The following CCDC13 variants were observed in gnomAD, a reference collection of about 807,000 sequenced individuals.
CCDC13 encodes coiled-coil domain-containing protein 13.
CCDC13 carries 70 observed loss-of-function variants against 87.3 expected under a neutral mutation model. The observed-to-expected ratio is 0.80, with a 90% CI of 0.66 to 0.98. The LOEUF (loss-of-function observed/expected upper bound fraction) is 0.98, where lower values mean the gene tolerates loss of function less well. Among genes scored for constraint, CCDC13 ranks in the 50% least tolerant of loss-of-function variants. The pLI is 0.00. For missense variants in CCDC13, 842 were observed against 892.0 expected (o/e 0.94, Z 0.71); for synonymous variants, 317 against 360.3 (o/e 0.88, Z 1.36).
chr3:42,724,175 A>G (rs532863482), intron 13 of CCDC13, among the ~76,000 whole-genome samples: 1 of 152,352 alleles, frequency 6.6e-6, no homozygotes, highest in South Asian at 2.1e-4. Flanking sequence ...AAAATAGCAA[A>G]CCACATTGTG....
At position 42,712,779 on chromosome 3, in the gene CCDC13, T is replaced by C. The variant is rs1698342632; in HGVS notation, c.1873+383A>G. Among the ~76,000 whole-genome samples, 3 of 152,282 alleles carry C rather than the reference T, an allele frequency of 2.0e-5. No individual in the cohort carries two copies. The South Asian group carries it at 6.2e-4, about 32-fold the overall frequency. ...ACCATTGCAGGAGGCACAAAGGGAC[T>C]CCTCCCCTGCTTCAGCCACTGTTGC... On this transcript the variant is annotated intron_variant, in intron 14 of 15. Transcript: ENST00000310232.
rs1420180027 is a variant in CCDC13, at chr3:42,705,767, C to A, written c.*3213G>T. ...ACTGGTACTAACCTGGACAGACCAG[C>A]TGCCTGGCTGTGCACCTGGCCCACC... is the stretch of plus-strand genomic sequence containing the variant. On this transcript the variant is annotated 3_prime_UTR_variant, in exon 16 of 16. Coordinates refer to ENST00000310232, the MANE Select transcript of CCDC13 (RefSeq NM_144719.4). Among the ~76,000 whole-genome samples the A allele has an allele frequency of 6.6e-6, 1 of 152,202 alleles. No individual in the cohort carries two copies. Among genetic ancestry groups the A allele is most frequent in the Non-Finnish European group, 1.5e-5 (1 of 68,030 alleles).
chr3:42,756,691 A>G (rs1051147626), intron 3 of CCDC13, among the ~76,000 whole-genome samples: 3 of 151,860 alleles, frequency 2.0e-5, no homozygotes, highest in African/African-American at 7.3e-5. Flanking sequence ...TGTTCACAAC[A>G]TAACATGTGA....
At chr3:42,720,689 C>T (rs1698539979) in intron 13 of CCDC13, among the ~76,000 whole-genome samples, 2 of 152,082 alleles carry the variant, frequency 1.3e-5, no homozygotes, top group Admixed American at 1.3e-4. Flanking sequence ...TAGAATAAAA[C>T]TAAAGGTTTA....
chr3:42,711,627 C>A lies in CCDC13; in HGVS notation c.1873+1535G>T, dbSNP rs114452425. 5.2e-3 allele frequency among the ~76,000 whole-genome samples: 795 copies of A among 152,296 alleles called. 9 individuals are homozygous for A. Among genetic ancestry groups the A allele is most frequent in the African/African-American group, 0.018 (749 of 41,558 alleles). Reference sequence around the variant, plus strand: ...CACTTGTCTTTCCCTCAGGGATCGGCAGGCCACATCCCCTCCCAGTTCCTC... The same window carrying A: ...CACTTGTCTTTCCCTCAGGGATCGGAAGGCCACATCCCCTCCCAGTTCCTC... On this transcript the variant is annotated intron_variant, in intron 14 of 15. Coordinates refer to ENST00000310232, the MANE Select transcript of CCDC13 (RefSeq NM_144719.4).
In CCDC13 at chr3:42,710,787, C is replaced by T. The variant is rs1323940267; in HGVS notation, c.1874-989G>A. Among the ~76,000 whole-genome samples, 3 of 152,180 alleles carry T rather than the reference C, an allele frequency of 2.0e-5. No homozygotes were observed. In the East Asian group the frequency reaches 5.8e-4, roughly 29 times the overall value. ...GGCTCTGCCCTCTACAGGGGCTGGA[C>T]TGAGTGTTCTTCAGGGCCTTTCCTG... On this transcript the variant is annotated intron_variant, in intron 14 of 15. Transcript: ENST00000310232.
chr3:42,705,620 C>G (rs1698159969), downstream of CCDC13, among the ~76,000 whole-genome samples: 1 of 152,214 alleles, frequency 6.6e-6, no homozygotes, highest in Non-Finnish European at 1.5e-5. Context: ...CTCCAACTAC[C>G]TCCTCGTGGA....
chr3:42,710,079 AC>A (rs1698273169), intron 14 of CCDC13, among the ~76,000 whole-genome samples: 2 of 147,252 alleles, frequency 1.4e-5, no homozygotes, highest in Non-Finnish European at 3.0e-5. Context: ...TTTATACTTT[AC>A]AAGTTTCTGG....
chr3:42,768,005 T>G (rs1245584175), intron 1 of CCDC13, among the ~76,000 whole-genome samples: 2 of 149,386 alleles, frequency 1.3e-5, no homozygotes, highest in Non-Finnish European at 3.0e-5. Flanking sequence ...TATAAAATGA[T>G]AGTAATTAAG....
intron 11 of CCDC13, 150 bp downstream of exon 11, chr3:42,733,320 G>T: frequency 1.0e-6 from 1 of 976,652 alleles, no homozygotes. Context: ...CAGAGCTAAT[G>T]TCATAGGAGA....
At chr3:42,756,209 TATA>T (rs1414413037) in intron 3 of CCDC13, among the ~76,000 whole-genome samples, 1 of 152,246 alleles carries the variant, frequency 6.6e-6, no homozygotes, top group Non-Finnish European at 1.5e-5. Flanking sequence ...TGGTGACATC[TATA>T]ATACTTTCTT....
At chr3:42,769,119 C>T (rs1427633771) in intron 1 of CCDC13, among the ~76,000 whole-genome samples, 2 of 151,632 alleles carry the variant, frequency 1.3e-5, no homozygotes, top group Admixed American at 1.3e-4. Flanking sequence ...GTCTGGGCAA[C>T]AAGAGTGAAA....
chr3:42,745,626 T>TA, intron 7 of CCDC13: 1 of 236,084 alleles, frequency 4.2e-6, no homozygotes, highest in East Asian at 8.3e-5. Context: ...CTACATAAAC[T>TA]AAGAAAAAAA....
chr3:42,749,739 C>G (rs532419266), intron 5 of CCDC13: 3 of 386,842 alleles, frequency 7.8e-6, no homozygotes, highest in Non-Finnish European at 1.6e-5. Context: ...TACGCTCCCT[C>G]CCCTACCCGA....
chr3:42,753,849 G>A (rs1699644186), intron 3 of CCDC13, among the ~76,000 whole-genome samples: 1 of 152,220 alleles, frequency 6.6e-6, no homozygotes, highest in African/African-American at 2.4e-5. Flanking sequence ...CTCCAGAGTA[G>A]CTGGAAGGCT....
chr3:42,758,355 G>A lies in CCDC13; in HGVS notation c.-6-4C>T. On this transcript the variant is annotated splice_polypyrimidine_tract_variant and splice_region_variant and intron_variant, in intron 1 of 15. Transcript: ENST00000310232. ...TTTCATCTGCTGCCATCCTGCCCTA[G>A]GCATCAGAAATGAAGCCTCAGCTGA... 1 of 1,611,446 alleles carries A rather than the reference G, an allele frequency of 6.2e-7. No homozygotes were observed. The highest frequency in any genetic ancestry group is 8.5e-7 in the Non-Finnish European group (1 of 1,179,856).
Position 42,758,244 on chromosome 3 carries a change from C to T in CCDC13, c.102G>A (p.Arg34=). The stretch of plus-strand genomic sequence containing the variant: ...TGCTTTTGAGGCTCAGTTCTTTTTC[C>T]CTCTTTTTCTCCATCTGCTTCTGTA... ...KRLQKQMEKK[R]EKELSLKSRA... is the part of the protein sequence containing the mutation. Residue 34 remains arginine (R), a synonymous_variant, in exon 2 of 16, where the codon AGG becomes AGA. Transcript: ENST00000310232. The T allele has an allele frequency of 6.2e-7, 1 of 1,613,864 alleles. No homozygotes were observed. Among genetic ancestry groups the T allele is most frequent in the Non-Finnish European group, 8.5e-7 (1 of 1,180,032 alleles).
intron 5 of CCDC13, 67 bp from the exon 6 acceptor site, chr3:42,747,440 C>T (rs1236244807): frequency 2.8e-6 from 3 of 1,082,064 alleles, no homozygotes; most frequent in Non-Finnish European, 4.2e-6. Flanking sequence ...ATCATAGCCC[C>T]CATTTATCCA....
chr3:42,724,573 G>A (rs772855885), intron 13 of CCDC13, among the ~76,000 whole-genome samples: 7 of 152,150 alleles, frequency 4.6e-5, no homozygotes, highest in Non-Finnish European at 1.0e-4. Context: ...GCCTAACTCA[G>A]CTAGATCCTA....
Sources: allele counts gnomAD v4.1 joint callset (sites outside exome capture counted in the v4.1 genomes callset), GRCh38; gene constraint gnomAD v4.1.1; transcripts MANE v1.5; gene names NCBI Gene and HGNC (gene_info 2026-07-23, HGNC 2026-07-21).